Variants in SLC2A9 observed in about 807,000 individuals in gnomAD.
The protein encoded by SLC2A9 is solute carrier family 2 member 9, also known as solute carrier family 2, facilitated glucose transporter member 9.
Under a neutral mutation model 50.6 loss-of-function variants are expected in SLC2A9, and 39 were observed. The observed-to-expected ratio is 0.77, with a 90% CI of 0.60 to 1.01. The LOEUF is 1.01. SLC2A9 is among the 50% of genes least tolerant of loss of function. The pLI, the probability that SLC2A9 is intolerant of heterozygous loss-of-function variation, is 0.00. For missense variants in SLC2A9, 686 were observed against 677.6 expected, an observed-to-expected ratio of 1.01 and a Z score of -0.14; for synonymous variants, 324 against 276.9, an observed-to-expected ratio of 1.17 and a Z score of -1.69.
intron 5 of SLC2A9, among the ~76,000 whole-genome samples, chr4:9,975,550 A>G (rs1754658084): frequency 6.6e-6 from 1 of 152,218 alleles, no homozygotes; most frequent in South Asian, 2.1e-4. Flanking sequence ...AACCACAATG[A>G]GATACCATCT....
chr4:9,856,979 G>A (rs192114242), intron 10 of SLC2A9, among the ~76,000 whole-genome samples: 20 of 152,128 alleles, frequency 1.3e-4, no homozygotes, highest in Admixed American at 1.3e-3. Context: ...ATGGGAGGAG[G>A]GTGAGGACTG....
In SLC2A9 at chr4:9,942,353, G is replaced by T. The variant is rs151156660; in HGVS notation, c.682-308C>A. 6.1e-4 allele frequency among the ~76,000 whole-genome samples: 93 copies of T among 152,310 alleles called. 2 individuals carry two copies. The East Asian group carries it at 0.017, about 28-fold the overall frequency. The stretch of plus-strand genomic sequence containing the variant: ...AAGGGCTGCTTGACCCCACTCCCTG[G>T]GGAACCATGGTGAGCCTGGGGGATC... On this transcript the variant is annotated intron_variant, in intron 5 of 11. Coordinates refer to ENST00000264784, the MANE Select transcript of SLC2A9 (RefSeq NM_020041.3).
chr4:9,874,698 C>T (rs1733989072), intron 10 of SLC2A9, among the ~76,000 whole-genome samples: 1 of 152,214 alleles, frequency 6.6e-6, no homozygotes, highest in Non-Finnish European at 1.5e-5. Context: ...TGTGTCAGAA[C>T]CTGGCTGGGA....
chr4:10,000,901 C>T (rs551238658), intron 2 of SLC2A9, among the ~76,000 whole-genome samples: 2 of 152,154 alleles, frequency 1.3e-5, no homozygotes, highest in African/African-American at 2.4e-5. Context: ...TAACTCCTGC[C>T]CTTGATCCAA....
At chr4:10,033,141 C>T (rs1182860151) in intron 1 of SLC2A9, among the ~76,000 whole-genome samples, 1 of 152,196 alleles carries the variant, frequency 6.6e-6, no homozygotes, top group Non-Finnish European at 1.5e-5. Context: ...AATCAAATTT[C>T]TGCTCTTAAT....
chr4:10,024,155 C>G (rs1763676618), upstream of SLC2A9, among the ~76,000 whole-genome samples: 1 of 152,184 alleles, frequency 6.6e-6, no homozygotes, highest in Non-Finnish European at 1.5e-5. Context: ...CCTCCCCAAC[C>G]TCTCGCTGCC....
At chr4:9,910,298 T>C (rs1403654536) in intron 7 of SLC2A9, among the ~76,000 whole-genome samples, 1 of 152,230 alleles carries the variant, frequency 6.6e-6, no homozygotes, top group African/African-American at 2.4e-5. Context: ...AGGTAGTGCC[T>C]AATAAATCCA....
At chr4:9,792,920 G>C (rs1367617890) in intron 3 of SLC2A9, 1 of 153,458 alleles carries the variant, frequency 6.5e-6, no homozygotes, top group Non-Finnish European at 1.4e-5. Flanking sequence ...TATTGCCCAG[G>C]CTGGAGTGCA....
At chr4:9,869,403 T>G (rs1432636553) in intron 10 of SLC2A9, among the ~76,000 whole-genome samples, 1 of 152,220 alleles carries the variant, frequency 6.6e-6, no homozygotes, top group African/African-American at 2.4e-5. Flanking sequence ...CCTTTGCACT[T>G]TCACCAGCTG....
At chr4:9,783,132 T>C in intron 3 of SLC2A9, 1 of 1,614,184 alleles carries the variant, frequency 6.2e-7, no homozygotes, top group Non-Finnish European at 8.5e-7. Flanking sequence ...TTTCAGAAGG[T>C]GTTTGCCCAG....
upstream of SLC2A9, among the ~76,000 whole-genome samples, chr4:10,024,643 A>C (rs1339184687): frequency 6.6e-6 from 1 of 152,138 alleles, no homozygotes; most frequent in Non-Finnish European, 1.5e-5. Context: ...GCCCCAGCAA[A>C]CCCACAGTGT....
Position 9,834,955 on chromosome 4 carries a change from C to T in SLC2A9, c.1345G>A (p.Ala449Thr), listed in dbSNP as rs1467396427. ...ACGGTGCCTGCAATGATGAAGGCAGCCGGCCGCTGAGATTGCTGGAAGAAC... is the reference window on the plus strand; with the variant it reads ...ACGGTGCCTGCAATGATGAAGGCAGTCGGCCGCTGAGATTGCTGGAAGAAC... ...GEFFQQSQRP[A>T]AFIIAGTVNW... is the part of the protein sequence containing the mutation. Residue 449 changes from alanine (A) to threonine (T), a missense_variant, in exon 11 of 12, where the codon GCT becomes ACT. Coordinates refer to ENST00000264784, the MANE Select transcript of SLC2A9 (RefSeq NM_020041.3). The T allele has an allele frequency of 6.2e-7, 1 of 1,614,004 alleles. No individual in the cohort carries two copies. The highest frequency in any genetic ancestry group is 2.2e-5 in the East Asian group (1 of 44,878).
intron 10 of SLC2A9, among the ~76,000 whole-genome samples, chr4:9,860,685 T>C (rs1464918998): frequency 1.3e-5 from 2 of 152,248 alleles, no homozygotes; most frequent in Non-Finnish European, 2.9e-5. Flanking sequence ...TGCACCTCAA[T>C]TGATGGGCAA....
chr4:9,870,412 G>A (rs1454316135), intron 10 of SLC2A9, among the ~76,000 whole-genome samples: 1 of 152,208 alleles, frequency 6.6e-6, no homozygotes, highest in Non-Finnish European at 1.5e-5. Flanking sequence ...GAGCCTGACA[G>A]GTGTCACTGA....
In SLC2A9 at chr4:9,785,828, T is replaced by C. The variant is rs371721351; in HGVS notation, n.386-5763A>G. Among the ~76,000 whole-genome samples the C allele has an allele frequency of 3.4e-3, 519 of 152,334 alleles. 1 individual carries two copies. The highest frequency in any genetic ancestry group is 0.014 in the Middle Eastern group (4 of 294). ...TATTGCACTGCATTGCACTGTGCTG[T>C]ACTGACCAGGATAGATAACGCCAGG... is the stretch of plus-strand genomic sequence containing the variant. On this transcript the variant is annotated intron_variant and non_coding_transcript_variant, in intron 3 of 3. Coordinates refer to the SLC2A9 transcript ENST00000503803.
At chr4:9,961,289 T>C (rs1029495874) in intron 5 of SLC2A9, among the ~76,000 whole-genome samples, 2 of 151,980 alleles carry the variant, frequency 1.3e-5, no homozygotes, top group African/African-American at 4.8e-5. Flanking sequence ...ATAACAAAGC[T>C]GGAGGCTGGC....
chr4:9,959,362 A>C (rs530863470), intron 5 of SLC2A9, among the ~76,000 whole-genome samples: 1 of 150,000 alleles, frequency 6.7e-6, no homozygotes, highest in Non-Finnish European at 1.5e-5. Context: ...ACTGCACTGC[A>C]CTCTAGCCTC....
chr4:9,942,039 T>C lies in SLC2A9; in HGVS notation c.688A>G (p.Thr230Ala). Residue 230 changes from threonine to alanine, a missense_variant, in exon 6 of 12, where the codon ACC becomes GCC. Thr to Ala is a moderately conservative substitution (Grantham distance 58). Transcript: ENST00000264784. ...GLPELLGKESTWPYLFGVIVV... is the reference protein window; with the variant it reads ...GLPELLGKESAWPYLFGVIVV... ...ATCACTCCAAACAGGTATGGCCAGG[T>C]ACTCTCCTGTGGGAGAAGGAGATGC... The C allele has an allele frequency of 6.2e-7, 1 of 1,614,006 alleles. No homozygotes were observed. The highest frequency in any genetic ancestry group is 8.5e-7 in the Non-Finnish European group (1 of 1,179,944).
chr4:9,836,653 T>C (rs913046989), intron 10 of SLC2A9, among the ~76,000 whole-genome samples: 1 of 152,154 alleles, frequency 6.6e-6, no homozygotes, highest in Non-Finnish European at 1.5e-5. Flanking sequence ...TTGTAGATCA[T>C]GGAGAGGGGT....
Sources: gnomAD v4.1 joint callset for allele counts (sites outside exome capture counted in the v4.1 genomes callset) on GRCh38, gnomAD v4.1.1 for gene constraint, MANE v1.5 for transcripts, NCBI Gene and HGNC (gene_info 2026-07-23, HGNC 2026-07-21) for gene names.